VCL: variants seen among roughly 807,000 people sequenced by gnomAD.
VCL encodes epididymis luminal protein 114.
In VCL, 47 loss-of-function variants were observed where a neutral mutation model predicts 125.7. The ratio of observed to expected loss-of-function variants is 0.37; its 90% confidence interval spans 0.30 to 0.48. The LOEUF (loss-of-function observed/expected upper bound fraction) is 0.48, where lower values mean the gene tolerates loss of function less well. VCL is among the 20% of genes least tolerant of loss of function. The pLI is 0.99. For synonymous variants in VCL, 458 were observed against 514.6 expected, an observed-to-expected ratio of 0.89 and a Z score of 1.49; for missense variants, 1,069 against 1,455.5, an observed-to-expected ratio of 0.73 and a Z score of 4.32.
chr10:73,998,446 T>C, intron 1 of VCL, 71 bp downstream of exon 1: 1 of 1,293,430 alleles, frequency 7.7e-7, no homozygotes, highest in Non-Finnish European at 9.8e-7. Flanking sequence ...GCGTCGCGGC[T>C]GCCTGTGGCC....
chr10:74,115,502 G>T (rs192084224), intron 21 of VCL, among the ~76,000 whole-genome samples: 1 of 152,218 alleles, frequency 6.6e-6, no homozygotes, highest in Admixed American at 6.5e-5. Flanking sequence ...GAGGTTAAGT[G>T]TCTGAAATAA....
intron 2 of VCL, among the ~76,000 whole-genome samples, chr10:74,044,269 G>T (rs569906942): frequency 6.6e-6 from 1 of 152,028 alleles, no homozygotes; most frequent in South Asian, 2.1e-4. Flanking sequence ...AAACTTCTTA[G>T]GTTCTTATAT....
At chr10:74,082,375 A>T (rs1839690085) in intron 6 of VCL, 79 bp from the exon 7 acceptor site, 3 of 1,510,506 alleles carry the variant, frequency 2.0e-6, no homozygotes, top group South Asian at 1.1e-5. Context: ...TTAATGCTGT[A>T]ACTTCTTCTC....
chr10:74,050,646 G>C (rs1277269478), intron 2 of VCL, among the ~76,000 whole-genome samples: 1 of 152,144 alleles, frequency 6.6e-6, no homozygotes, highest in African/African-American at 2.4e-5. Flanking sequence ...AAAGTGCCCA[G>C]AATATCTTTT....
chr10:74,000,268 T>C (rs1290383826), intron 1 of VCL, among the ~76,000 whole-genome samples: 3 of 149,950 alleles, frequency 2.0e-5, no homozygotes, highest in African/African-American at 7.4e-5. Context: ...GCTTTTTTTT[T>C]TTTTTTTTTT....
rs534256630 is a variant in VCL, at chr10:74,098,032, CGA to C, written c.1872+702_1872+703del. 1.1e-4 allele frequency among the ~76,000 whole-genome samples: 16 copies of C among 152,258 alleles called. 1 individual carries two copies. In the South Asian group the frequency reaches 3.3e-3, roughly 32 times the overall value. Reference sequence around the variant, plus strand: ...CATGTTTCGCTCCTGTGAGCTGGCACGAGTCGGTACAGGTGGCTTTAGCACAC... The same window carrying C: ...CATGTTTCGCTCCTGTGAGCTGGCACGTCGGTACAGGTGGCTTTAGCACAC... On this transcript the variant is annotated intron_variant, in intron 13 of 21. Coordinates refer to ENST00000211998, the MANE Select transcript of VCL (RefSeq NM_014000.3).
intron 1 of VCL, among the ~76,000 whole-genome samples, chr10:74,032,361 C>A (rs886067885): frequency 1.3e-5 from 2 of 151,814 alleles, no homozygotes; most frequent in South Asian, 2.1e-4. Context: ...GAAAGACAAC[C>A]CACAGACTGG....
At chr10:74,115,156 CAGA>C (rs1414483435) in intron 21 of VCL, among the ~76,000 whole-genome samples, 1 of 151,856 alleles carries the variant, frequency 6.6e-6, no homozygotes, top group Non-Finnish European at 1.5e-5. Flanking sequence ...TGCTTAAGCC[CAGA>C]AGGTCAAGGC....
At chr10:74,102,547 T>C (rs1037472832) in intron 14 of VCL, among the ~76,000 whole-genome samples, 3 of 152,244 alleles carry the variant, frequency 2.0e-5, no homozygotes, top group African/African-American at 7.2e-5. Flanking sequence ...AAATTTGTGA[T>C]ACTGGCTTAT....
At chr10:74,000,259 C>CTTTTTTTTTTTTT (rs34197555) in intron 1 of VCL, among the ~76,000 whole-genome samples, 3 of 114,820 alleles carry the variant, frequency 2.6e-5, no homozygotes, top group African/African-American at 6.7e-5. Context: ...TTGTATTTTG[C>CTTTTTTTTTTTTT]TTTTTTTTTT....
chr10:74,007,891 C>T (rs1840349750), intron 1 of VCL, among the ~76,000 whole-genome samples: 1 of 151,954 alleles, frequency 6.6e-6, no homozygotes, highest in African/African-American at 2.4e-5. Context: ...CAACCTCTGC[C>T]TCCTGGGTTC....
intron 1 of VCL, among the ~76,000 whole-genome samples, chr10:74,037,610 T>C (rs2136244917): frequency 6.6e-6 from 1 of 152,328 alleles, no homozygotes; most frequent in South Asian, 2.1e-4. Context: ...CCTCATTTCC[T>C]CTGCTGAAGC....
chr10:74,089,391 A>G (rs1356125837), intron 9 of VCL, 42 bp downstream of exon 9: 1 of 1,610,040 alleles, frequency 6.2e-7, no homozygotes, highest in East Asian at 2.2e-5. Flanking sequence ...AATATTTCAT[A>G]AATATCCTAA....
intron 8 of VCL, among the ~76,000 whole-genome samples, chr10:74,088,205 T>C (rs1490280522): frequency 6.6e-6 from 1 of 152,192 alleles, no homozygotes; most frequent in Non-Finnish European, 1.5e-5. Context: ...ATCTGGATTG[T>C]AAAATGAGGG....
At chr10:74,046,160 A>G (rs1389347355) in intron 2 of VCL, among the ~76,000 whole-genome samples, 2 of 151,914 alleles carry the variant, frequency 1.3e-5, no homozygotes, top group African/African-American at 4.8e-5. Context: ...TTTTTGTCCT[A>G]CCTTCATTGG....
intron 1 of VCL, among the ~76,000 whole-genome samples, chr10:74,040,689 TACAG>T (rs1246681786): frequency 3.3e-5 from 5 of 152,240 alleles, no homozygotes; most frequent in African/African-American, 1.2e-4. Context: ...TTTATTATGA[TACAG>T]ACAGTCTATT....
intron 6 of VCL, among the ~76,000 whole-genome samples, chr10:74,081,138 A>ATT (rs1473000661): frequency 6.7e-6 from 1 of 149,744 alleles, no homozygotes; most frequent in Non-Finnish European, 1.5e-5. Context: ...TTTTTTGGTA[A>ATT]TTTAGTTCAC....
intron 1 of VCL, among the ~76,000 whole-genome samples, chr10:74,002,871 ACT>A (rs1008037284): frequency 1.6e-4 from 23 of 141,728 alleles, no homozygotes; most frequent in African/African-American, 5.2e-4. Flanking sequence ...ACAAAGGAAG[ACT>A]CTGTCTCAAA....
intron 2 of VCL, 115 bp downstream of exon 2, chr10:74,043,268 GA>G: frequency 1.0e-6 from 1 of 954,424 alleles, no homozygotes; most frequent in African/African-American, 1.6e-5. Context: ...GTTTACAATT[GA>G]AATTTCAACT....
Sources: gnomAD v4.1 joint callset for allele counts (sites outside exome capture counted in the v4.1 genomes callset) on GRCh38, gnomAD v4.1.1 for gene constraint, MANE v1.5 for transcripts, NCBI Gene and HGNC (gene_info 2026-07-23, HGNC 2026-07-21) for gene names.